The following LAMA2 variants were observed in gnomAD, a reference collection of about 807,000 sequenced individuals.
LAMA2 encodes the protein laminin subunit alpha 2.
In LAMA2, 269 loss-of-function variants were observed where a neutral mutation model predicts 364.8. The observed-to-expected ratio is 0.74, with a 90% CI of 0.67 to 0.82. LAMA2 has a LOEUF of 0.82. LAMA2 is among the 40% of genes least tolerant of loss of function. The pLI is 0.00. For missense variants in LAMA2, 3,807 were observed against 3,873.2 expected (o/e 0.98, Z 0.45); for synonymous variants, 1,379 against 1,370.6 (o/e 1.01, Z -0.14).
At chr6:129,013,045 T>C (rs1784858311) in intron 1 of LAMA2, among the ~76,000 whole-genome samples, 1 of 152,204 alleles carries the variant, frequency 6.6e-6, no homozygotes. Flanking sequence ...TAAAGCAAAT[T>C]GTCCAAATGT....
At chr6:129,148,540 C>T (rs1778614039) in intron 6 of LAMA2, among the ~76,000 whole-genome samples, 1 of 152,016 alleles carries the variant, frequency 6.6e-6, no homozygotes, top group Admixed American at 6.6e-5. Context: ...GAGATTTAGT[C>T]CTAGAGACAT....
intron 1 of LAMA2, among the ~76,000 whole-genome samples, chr6:128,977,503 C>T (rs1424064046): frequency 1.3e-5 from 2 of 152,108 alleles, no homozygotes; most frequent in Non-Finnish European, 2.9e-5. Context: ...GCCAAGTGAT[C>T]CTTCTGCCTC....
intron 47 of LAMA2, among the ~76,000 whole-genome samples, chr6:129,455,953 A>G (rs1010536202): frequency 6.6e-6 from 1 of 152,154 alleles, no homozygotes; most frequent in Non-Finnish European, 1.5e-5. Flanking sequence ...AGTAATATAA[A>G]CTTGCATAAA....
chr6:129,254,863 A>G (rs1786523566), intron 14 of LAMA2, among the ~76,000 whole-genome samples: 2 of 152,130 alleles, frequency 1.3e-5, no homozygotes. Context: ...AAGCACCTAT[A>G]TTAGATATAG....
intron 15 of LAMA2, among the ~76,000 whole-genome samples, chr6:129,261,213 A>G (rs1285219692): frequency 6.6e-6 from 1 of 151,764 alleles, no homozygotes; most frequent in African/African-American, 2.4e-5. Context: ...TTAATTCTGT[A>G]TCACACTTTT....
chr6:129,280,281 C>A (rs377012590), intron 18 of LAMA2, 134 bp downstream of exon 18: 9 of 691,070 alleles, frequency 1.3e-5, no homozygotes, highest in Non-Finnish European at 2.1e-5. Flanking sequence ...AGTTTCTCAA[C>A]GCACTTGTCA....
At chr6:129,465,475 C>G (rs996452383) in intron 51 of LAMA2, among the ~76,000 whole-genome samples, 186 bp downstream of exon 51, 2 of 151,818 alleles carry the variant, frequency 1.3e-5, no homozygotes, top group African/African-American at 4.8e-5. Flanking sequence ...GATTGAAGAG[C>G]CAAATGCTTC....
At chr6:128,985,353 A>G (rs1286278419) in intron 1 of LAMA2, among the ~76,000 whole-genome samples, 1 of 152,164 alleles carries the variant, frequency 6.6e-6, no homozygotes, top group Admixed American at 6.6e-5. Flanking sequence ...AGGTCTTTTG[A>G]TGTTGGGGCA....
intron 1 of LAMA2, among the ~76,000 whole-genome samples, chr6:128,926,757 G>T (rs1434998776): frequency 6.6e-6 from 1 of 152,108 alleles, no homozygotes; most frequent in Non-Finnish European, 1.5e-5. Context: ...TTGAAATAAA[G>T]ACCACTTTTC....
intron 15 of LAMA2, among the ~76,000 whole-genome samples, chr6:129,264,264 G>A (rs1787340098): frequency 6.6e-6 from 1 of 152,086 alleles, no homozygotes. Context: ...ATTCGAGACT[G>A]TATGTCAGGG....
At chr6:128,911,665 A>T (rs1777970837) in intron 1 of LAMA2, among the ~76,000 whole-genome samples, 1 of 152,106 alleles carries the variant, frequency 6.6e-6, no homozygotes, top group Non-Finnish European at 1.5e-5. Flanking sequence ...CTCCTCCCCT[A>T]AAGGTATAAT....
At chr6:129,417,392 T>C (rs562432655) in intron 40 of LAMA2, among the ~76,000 whole-genome samples, 1 of 152,126 alleles carries the variant, frequency 6.6e-6, no homozygotes, top group Admixed American at 6.5e-5. Flanking sequence ...TAGATCATCC[T>C]GTTGTCTGCC....
chr6:129,135,184 A>G (rs1483393619), intron 4 of LAMA2, among the ~76,000 whole-genome samples: 2 of 152,316 alleles, frequency 1.3e-5, no homozygotes, highest in Admixed American at 1.3e-4. Flanking sequence ...CAACAGGAGG[A>G]CGATAAAGAG....
At chr6:128,951,662 C>G (rs930377139) in intron 1 of LAMA2, among the ~76,000 whole-genome samples, 2 of 152,058 alleles carry the variant, frequency 1.3e-5, no homozygotes, top group African/African-American at 2.4e-5. Flanking sequence ...TATTTGCAGT[C>G]TAGTGTCATC....
At chr6:129,242,901 T>C (rs2115160851) in intron 12 of LAMA2, among the ~76,000 whole-genome samples, 1 of 152,272 alleles carries the variant, frequency 6.6e-6, no homozygotes, top group East Asian at 1.9e-4. Flanking sequence ...CATTAAATAC[T>C]CATTTCCTAT....
intron 9 of LAMA2, 129 bp downstream of exon 9, chr6:129,165,804 G>A (rs1280581806): frequency 4.3e-6 from 3 of 698,194 alleles, no homozygotes; most frequent in East Asian, 2.7e-5. Flanking sequence ...ATCTATCAGT[G>A]TATTAGCGTT....
At chr6:129,426,234 G>A (rs1309606207) in intron 40 of LAMA2, among the ~76,000 whole-genome samples, 2 of 151,912 alleles carry the variant, frequency 1.3e-5, no homozygotes, top group Admixed American at 6.6e-5. Flanking sequence ...GCTCATTGTC[G>A]GACAGATTGT....
intron 6 of LAMA2, among the ~76,000 whole-genome samples, chr6:129,147,918 T>G (rs540283556): frequency 6.7e-6 from 1 of 149,142 alleles, no homozygotes; most frequent in African/African-American, 2.6e-5. Context: ...TTTCTTCTTT[T>G]TTTTGTTTTC....
intron 51 of LAMA2, among the ~76,000 whole-genome samples, chr6:129,466,875 G>A (rs1783570924): frequency 6.6e-6 from 1 of 151,776 alleles, no homozygotes; most frequent in Admixed American, 6.6e-5. Flanking sequence ...AAAGCCATAG[G>A]GATACCGAGA....
Sources: gnomAD v4.1 joint callset for allele counts (sites outside exome capture counted in the v4.1 genomes callset) on GRCh38, gnomAD v4.1.1 for gene constraint, MANE v1.5 for transcripts, NCBI Gene and HGNC (gene_info 2026-07-23, HGNC 2026-07-21) for gene names.